ATF6: variants seen among roughly 807,000 people sequenced by gnomAD.
The protein encoded by ATF6 is cyclic AMP-dependent transcription factor ATF-6 alpha.
Under a neutral mutation model 83.6 loss-of-function variants are expected in ATF6, and 53 were observed. That is an observed-to-expected ratio of 0.63 (90% CI 0.51 to 0.80). ATF6 has a LOEUF of 0.80. Among genes scored for constraint, ATF6 ranks in the 30% least tolerant of loss-of-function variants. ATF6 has a pLI of 0.00. For synonymous variants in ATF6, 288 were observed against 285.8 expected (o/e 1.01, Z -0.08); for missense variants, 744 against 797.9 (o/e 0.93, Z 0.81).
chr1:161,949,221 C>G (rs116079127), intron 15 of ATF6, among the ~76,000 whole-genome samples: 1 of 152,162 alleles, frequency 6.6e-6, no homozygotes, highest in Non-Finnish European at 1.5e-5. Flanking sequence ...CAACCAAGGC[C>G]TCATTCATTC....
intron 14 of ATF6, chr1:161,891,069 C>A (rs1297474333): frequency 6.6e-6 from 1 of 152,214 alleles, no homozygotes; most frequent in Non-Finnish European, 1.5e-5. Context: ...GCTGAATAGC[C>A]GAGTTCAGGA....
At chr1:161,834,471 T>C (rs959042025) in intron 9 of ATF6, among the ~76,000 whole-genome samples, 2 of 152,006 alleles carry the variant, frequency 1.3e-5, no homozygotes, top group African/African-American at 4.8e-5. Flanking sequence ...TCATGTCCTT[T>C]GTAGGGACAT....
intron 15 of ATF6, among the ~76,000 whole-genome samples, chr1:161,940,988 T>C (rs1254181288): frequency 6.6e-6 from 1 of 152,208 alleles, no homozygotes; most frequent in East Asian, 1.9e-4. Context: ...CATAGCTGCC[T>C]CTTTTCCTAG....
intron 14 of ATF6, 53 bp downstream of exon 14, chr1:161,863,365 C>A: frequency 2.6e-6 from 3 of 1,157,644 alleles, no homozygotes; most frequent in East Asian, 2.3e-5. Context: ...TTGCCGTACA[C>A]AAGACATTGG....
intron 15 of ATF6, among the ~76,000 whole-genome samples, chr1:161,935,725 C>A (rs891583638): frequency 6.6e-6 from 1 of 152,192 alleles, no homozygotes; most frequent in African/African-American, 2.4e-5. Flanking sequence ...GTAATTTTCT[C>A]ATATGAGACT....
At chr1:161,940,934 A>G (rs1432250057) in intron 15 of ATF6, among the ~76,000 whole-genome samples, 1 of 152,088 alleles carries the variant, frequency 6.6e-6, no homozygotes, top group African/African-American at 2.4e-5. Flanking sequence ...TTGTTGTACC[A>G]TATGCATACC....
chr1:161,818,561 T>G (rs1214738447), intron 7 of ATF6, among the ~76,000 whole-genome samples: 1 of 152,166 alleles, frequency 6.6e-6, no homozygotes, highest in African/African-American at 2.4e-5. Flanking sequence ...TCTAAGGGTA[T>G]AAGATGTTCA....
intron 15 of ATF6, among the ~76,000 whole-genome samples, chr1:161,914,227 G>A (rs1244790850): frequency 6.6e-6 from 1 of 152,100 alleles, no homozygotes; most frequent in Non-Finnish European, 1.5e-5. Flanking sequence ...CTTGCTCTGA[G>A]GATACTTCTT....
At chr1:161,844,186 A>T (rs1330678683) in intron 9 of ATF6, among the ~76,000 whole-genome samples, 1 of 152,224 alleles carries the variant, frequency 6.6e-6, no homozygotes, top group Non-Finnish European at 1.5e-5. Flanking sequence ...ACTACCTAAG[A>T]AGTACTGTGG....
At chr1:161,916,056 T>A (rs1252833543) in intron 15 of ATF6, among the ~76,000 whole-genome samples, 2 of 152,326 alleles carry the variant, frequency 1.3e-5, no homozygotes, top group East Asian at 3.9e-4. Flanking sequence ...TTACCTCTGA[T>A]TCTGTCTTCT....
At chr1:161,778,794 G>T (rs940317412) in intron 2 of ATF6, among the ~76,000 whole-genome samples, 1 of 152,132 alleles carries the variant, frequency 6.6e-6, no homozygotes, top group Non-Finnish European at 1.5e-5. Context: ...TTGGTTAGAG[G>T]TCTGTGTGAA....
chr1:161,776,306 G>A (rs1236785923), intron 1 of ATF6, among the ~76,000 whole-genome samples: 1 of 152,164 alleles, frequency 6.6e-6, no homozygotes, highest in African/African-American at 2.4e-5. Flanking sequence ...CCACTGGGCT[G>A]GGGCATGCTG....
At chr1:161,921,435 G>A (rs1416363245) in intron 15 of ATF6, among the ~76,000 whole-genome samples, 1 of 152,134 alleles carries the variant, frequency 6.6e-6, no homozygotes, top group African/African-American at 2.4e-5. Context: ...TACTAGGATA[G>A]ATACTTTGGA....
rs112659062 is a variant in ATF6 at position 161,827,656 on chromosome 1, A to AT, written c.1187+6495_1187+6496insT. Among the ~76,000 whole-genome samples the AT allele has an allele frequency of 9.8e-3, 1,485 of 151,628 alleles. 27 individuals carry two copies. The highest frequency in any genetic ancestry group is 0.034 in the African/African-American group (1,417 of 41,468). ...ATTGGTATGGGCCAAATGAAAAAAA[A>AT]AAAATAAAACACACAAGTTTGCCAA... On this transcript the variant is annotated intron_variant, in intron 9 of 15. Transcript: ENST00000367942.
intron 6 of ATF6, among the ~76,000 whole-genome samples, chr1:161,797,482 A>T (rs1685048337): frequency 1.3e-5 from 2 of 152,228 alleles, no homozygotes; most frequent in Admixed American, 6.5e-5. Context: ...TTTAGGATAC[A>T]AAATCAATGT....
At chr1:161,802,666 A>T (rs1165147485) in intron 7 of ATF6, among the ~76,000 whole-genome samples, 1 of 152,106 alleles carries the variant, frequency 6.6e-6, no homozygotes, top group East Asian at 1.9e-4. Context: ...GAGTCTATAG[A>T]TTACTTTTTA....
intron 14 of ATF6, among the ~76,000 whole-genome samples, chr1:161,894,980 T>G (rs1243518860): frequency 1.3e-5 from 2 of 152,044 alleles, no homozygotes; most frequent in Non-Finnish European, 2.9e-5. Flanking sequence ...GGCTCATGCC[T>G]GTAATCCCAG....
intron 6 of ATF6, among the ~76,000 whole-genome samples, chr1:161,793,333 A>C (rs1398671897): frequency 6.6e-6 from 1 of 152,224 alleles, no homozygotes; most frequent in African/African-American, 2.4e-5. Flanking sequence ...AAATAAACAG[A>C]CAAACAAACA....
In ATF6 at chr1:161,878,457, A is replaced by C. The variant is rs188187440; in HGVS notation, c.1719+15145A>C. ...TCATGGATTTACATGGGAATAATGG[A>C]GTCATCAAGAAGAGAGTATATAGAG... On this transcript the variant is annotated intron_variant, in intron 14 of 15. Transcript: ENST00000367942. Among the ~76,000 whole-genome samples, 39 of 152,260 alleles carry C rather than the reference A, an allele frequency of 2.6e-4. 1 individual carries two copies. The highest frequency in any genetic ancestry group is 2.5e-3 in the Admixed American group (38 of 15,278).
Sources: gnomAD v4.1 joint callset for allele counts (sites outside exome capture counted in the v4.1 genomes callset) on GRCh38, gnomAD v4.1.1 for gene constraint, MANE v1.5 for transcripts, NCBI Gene and HGNC (gene_info 2026-07-23, HGNC 2026-07-21) for gene names.